The following IFI44 variants were observed in gnomAD, a reference collection of about 807,000 sequenced individuals.
IFI44 encodes the protein interferon-induced protein 44.
A neutral mutation model predicts 45.0 loss-of-function variants in IFI44; 42 were observed. The observed-to-expected ratio is 0.93, with a 90% confidence interval of 0.73 to 1.21. The LOEUF (loss-of-function observed/expected upper bound fraction) is 1.21. IFI44 is among the 50% of genes most tolerant of loss of function. The probability of loss-of-function intolerance (pLI) is 0.00; values close to 1 mark genes in which losing one functional copy is unlikely to be tolerated. For missense variants in IFI44, 623 were observed against 525.8 expected (o/e 1.18, Z -1.81); for synonymous variants, 221 against 188.6 (o/e 1.17, Z -1.41).
intron 5 of IFI44, among the ~76,000 whole-genome samples, chr1:78,657,007 T>G (rs1299432041): frequency 6.6e-6 from 1 of 151,864 alleles, no homozygotes; most frequent in Non-Finnish European, 1.5e-5. Context: ...ACCCACTTTC[T>G]CTTCTCTCTT....
intron 5 of IFI44, among the ~76,000 whole-genome samples, chr1:78,658,543 G>A (rs947157464): frequency 4.6e-5 from 7 of 152,072 alleles, no homozygotes; most frequent in African/African-American, 1.7e-4. Context: ...AGTTAATTTG[G>A]TTTTATATTT....
At chr1:78,649,944 T>G (rs1293754596) in intron 1 of IFI44, 39 bp downstream of exon 1, 5 of 335,992 alleles carry the variant, frequency 1.5e-5, no homozygotes, top group Non-Finnish European at 2.7e-5. Flanking sequence ...CTAGCTAGCA[T>G]TAGTCTCTCT....
intron 2 of IFI44, among the ~76,000 whole-genome samples, chr1:78,650,967 C>T (rs1647114623): frequency 6.6e-6 from 1 of 152,124 alleles, no homozygotes; most frequent in Admixed American, 6.5e-5. Context: ...CAGTTTATTT[C>T]CCTCATCATT....
chr1:78,649,947 G>A (rs912737911), intron 1 of IFI44, 42 bp downstream of exon 1: 3 of 343,342 alleles, frequency 8.7e-6, no homozygotes, highest in African/African-American at 6.4e-5. Flanking sequence ...GCTAGCATTA[G>A]TCTCTCTCTG....
intron 2 of IFI44, among the ~76,000 whole-genome samples, chr1:78,653,604 A>G (rs543768524): frequency 6.6e-6 from 1 of 152,178 alleles, no homozygotes; most frequent in Non-Finnish European, 1.5e-5. Flanking sequence ...TTTCCAAAAA[A>G]AAAATTCTGA....
In IFI44 at chr1:78,659,427, TCTC is replaced by T. The variant is rs1647325693; in HGVS notation, c.960_962del (p.Ser321del). ...TTTGATGCCAGCTCTATTCAATACTTCTCCTCTCAGATGATAGTAAAGATCAAA... is the reference window on the plus strand; with the variant it reads ...TTTGATGCCAGCTCTATTCAATACTTCTCTCAGATGATAGTAAAGATCAAA... On this transcript the variant is annotated inframe_deletion, in exon 6 of 9. Coordinates refer to ENST00000370747, the MANE Select transcript of IFI44 (RefSeq NM_006417.5). 5.6e-6 allele frequency: 9 copies of T among 1,613,444 alleles called. No homozygotes were observed. Among genetic ancestry groups the T allele is most frequent in the African/African-American group, 4.0e-5 (3 of 74,912 alleles).
At chr1:78,661,553 T>C (rs747277267) in intron 7 of IFI44, among the ~76,000 whole-genome samples, 3 of 152,156 alleles carry the variant, frequency 2.0e-5, no homozygotes, top group Non-Finnish European at 2.9e-5. Flanking sequence ...TACTCTCTTA[T>C]CAGCTACACA....
chr1:78,652,993 T>G (rs1647147925), intron 2 of IFI44, among the ~76,000 whole-genome samples: 1 of 152,122 alleles, frequency 6.6e-6, no homozygotes, highest in Admixed American at 6.5e-5. Flanking sequence ...TTTTAGATTA[T>G]GTAACTATTT....
intron 5 of IFI44, among the ~76,000 whole-genome samples, chr1:78,657,889 A>G (rs1037851724): frequency 6.6e-6 from 1 of 152,084 alleles, no homozygotes; most frequent in Non-Finnish European, 1.5e-5. Context: ...AGCCTCTACA[A>G]TTTGGATCCT....
At chr1:78,660,921 A>ATCCTTTGG (rs1338731287) in intron 7 of IFI44, 10 of 435,330 alleles carry the variant, frequency 2.3e-5, no homozygotes, top group Non-Finnish European at 4.3e-5. Flanking sequence ...ACCTATGCAC[A>ATCCTTTGG]TCCTTTGGTA....
In IFI44 at chr1:78,660,632, G is replaced by C. The variant is rs765820403; in HGVS notation, c.1091G>C (p.Arg364Thr). The part of the protein sequence containing the change: ...ITKGDLIEIE[R>T]CEPVRSKLEE... ...AAAGGTGACCTTATAGAAATAGAGA[G>C]ATGTGAGCCTGTGAGGTCCAAGGTA... is the stretch of plus-strand genomic sequence containing the variant. The change falls in exon 7 of 9, where the codon AGA (arginine) becomes ACA (threonine). Residue 364 changes from arginine to threonine, a missense_variant. Physicochemically the swap from Arg to Thr is moderately conservative, Grantham distance 71. Transcript: ENST00000370747. The C allele has an allele frequency of 2.5e-6, 4 of 1,612,760 alleles. No individual in the cohort carries two copies. The East Asian group carries it at 6.7e-5, about 27-fold the overall frequency.
intron 2 of IFI44, among the ~76,000 whole-genome samples, chr1:78,651,342 A>G (rs978727448): frequency 6.6e-6 from 1 of 152,152 alleles, no homozygotes; most frequent in Non-Finnish European, 1.5e-5. Context: ...CAAGCATTAG[A>G]TTATCATAAG....
intron 5 of IFI44, among the ~76,000 whole-genome samples, chr1:78,658,459 A>G (rs1165213729): frequency 6.6e-6 from 1 of 152,202 alleles, no homozygotes; most frequent in African/African-American, 2.4e-5. Context: ...TTTAAAGTCA[A>G]TCAGAATAGT....
chr1:78,650,384 A>G lies in IFI44; in HGVS notation c.189A>G (p.Ala63=). 6.2e-7 allele frequency: 1 copy of G among 1,614,110 alleles called. No homozygotes were observed. The highest frequency in any genetic ancestry group is 1.1e-5 in the South Asian group (1 of 91,076). ...VIYSEDHIIG[A]YAEESYQEGK... The stretch of plus-strand genomic sequence containing the variant: ...ATAGTGAAGATCATATTATTGGAGC[A>G]TATGCAGAAGAGAGTTACCAGGAAG... Residue 63 remains alanine, a synonymous_variant, in exon 2 of 9, where the codon GCA becomes GCG. Transcript: ENST00000370747.
At chr1:78,653,969 T>G (rs1647164196) in intron 2 of IFI44, among the ~76,000 whole-genome samples, 1 of 152,328 alleles carries the variant, frequency 6.6e-6, no homozygotes, top group Middle Eastern at 3.4e-3. Flanking sequence ...CGGAGTAAGT[T>G]ACACACTACT....
chr1:78,663,274 C>G lies in IFI44; in HGVS notation c.1288+396C>G, dbSNP rs752813702. On this transcript the variant is annotated intron_variant, in intron 8 of 8. Coordinates refer to ENST00000370747, the MANE Select transcript of IFI44 (RefSeq NM_006417.5). ...GAGACCTTTGATTATTTGCCCCTTC[C>G]TTAGGACCTTACACTCCTGTCTTTC... is the stretch of plus-strand genomic sequence containing the variant. The G allele has an allele frequency of 4.5e-5, 44 of 985,126 alleles. No individual in the cohort carries two copies. In the African/African-American group the frequency reaches 7.3e-4, roughly 16 times the overall value. The allele number at this position is 985,126 out of a possible 1,614,324, so 61.0% of individuals were successfully genotyped here.
In IFI44 at chr1:78,655,395, G is replaced by A. The variant is rs780532796; in HGVS notation, c.724G>A (p.Gly242Ser). ...ATACTCTATTAGAGACGGGAAAGAT[G>A]GCAAATACCTGCCGTTTATTCTGTG... is the stretch of plus-strand genomic sequence containing the variant. ...RTYSIRDGKDGKYLPFILCDS... is the reference protein window; with the variant it reads ...RTYSIRDGKDSKYLPFILCDS... Residue 242 changes from glycine (G) to serine (S), a missense_variant, in exon 5 of 9, where the codon GGC becomes AGC. Physicochemically the swap from Gly to Ser is moderately conservative, Grantham distance 56 (BLOSUM62 0). Coordinates refer to ENST00000370747, the MANE Select transcript of IFI44 (RefSeq NM_006417.5). The A allele has an allele frequency of 1.1e-5, 17 of 1,613,498 alleles. No homozygotes were observed. Among genetic ancestry groups the A allele is most frequent in the Admixed American group, 1.7e-5 (1 of 59,934 alleles).
At chr1:78,657,577 T>G (rs1251011677) in intron 5 of IFI44, among the ~76,000 whole-genome samples, 1 of 152,140 alleles carries the variant, frequency 6.6e-6, no homozygotes, top group Admixed American at 6.6e-5. Flanking sequence ...TGTTAAAGTG[T>G]GAAAATAGTG....
At position 78,650,366 on chromosome 1, in the gene IFI44, A is replaced by C; in HGVS notation, c.171A>C (p.Glu57Asp). ...CTACTCTAACAGTGATTTATAGTGA[A>C]GATCATATTATTGGAGCATATGCAG... ...QGPTLTVIYS[E>D]DHIIGAYAEE... is the part of the protein sequence containing the mutation. The change falls in exon 2 of 9, where the codon GAA becomes GAC. Residue 57 changes from glutamate (E) to aspartate (D), a missense_variant. Coordinates refer to ENST00000370747, the MANE Select transcript of IFI44 (RefSeq NM_006417.5). The C allele has an allele frequency of 6.2e-7, 1 of 1,614,122 alleles. No homozygotes were observed. The highest frequency in any genetic ancestry group is 8.5e-7 in the Non-Finnish European group (1 of 1,179,980).
Sources: allele counts gnomAD v4.1 joint callset (sites outside exome capture counted in the v4.1 genomes callset), GRCh38; gene constraint gnomAD v4.1.1; transcripts MANE v1.5; gene names NCBI Gene and HGNC (gene_info 2026-07-23, HGNC 2026-07-21).